Variants in ROBO2 observed in about 807,000 individuals in gnomAD.
ROBO2 encodes the protein roundabout guidance receptor 2.
ROBO2 carries 53 observed loss-of-function variants against 160.8 expected under a neutral mutation model. The observed-to-expected ratio is 0.33, with a 90% confidence interval of 0.26 to 0.41. The LOEUF (loss-of-function observed/expected upper bound fraction) is 0.41, where lower values mean the gene tolerates loss of function less well. Among genes scored for constraint, ROBO2 ranks in the 10% least tolerant of loss-of-function variants. The pLI is 1.00. For missense variants in ROBO2, 1,577 were observed against 1,722.4 expected, an observed-to-expected ratio of 0.92 and a Z score of 1.49; for synonymous variants, 664 against 611.7, an observed-to-expected ratio of 1.09 and a Z score of -1.26.
At chr3:76,063,308 T>C (rs2107902233) in intron 2 of ROBO2, among the ~76,000 whole-genome samples, 1 of 151,792 alleles carries the variant, frequency 6.6e-6, no homozygotes, top group East Asian at 1.9e-4. Flanking sequence ...AGCATAGGCG[T>C]TGCTCTAAGA....
intron 2 of ROBO2, among the ~76,000 whole-genome samples, chr3:76,267,000 C>T (rs1254261973): frequency 2.6e-5 from 4 of 152,052 alleles, no homozygotes; most frequent in African/African-American, 9.7e-5. Context: ...TTAATTGTTT[C>T]TGAAAATGGA....
Position 76,451,693 on chromosome 3 carries a change from A to C in ROBO2, c.109+514091A>C, listed in dbSNP as rs560293372. On this transcript the variant is annotated intron_variant, in intron 2 of 26. Transcript: ENST00000487694. ...ACCATTAAATTATTATAGTGCCATA[A>C]GCATTTGGGTTTCTAAATTGTTAGA... Among the ~76,000 whole-genome samples, 324 of 152,284 alleles carry C rather than the reference A, an allele frequency of 2.1e-3. 4 individuals are homozygous for C. The highest frequency in any genetic ancestry group is 3.2e-3 in the Non-Finnish European group (220 of 68,010).
chr3:77,424,951 C>T (rs1396627423), intron 2 of ROBO2, among the ~76,000 whole-genome samples: 1 of 152,028 alleles, frequency 6.6e-6, no homozygotes, highest in Non-Finnish European at 1.5e-5. Context: ...AAAGGCAACA[C>T]AAGTATCCCT....
chr3:77,386,830 T>C (rs903614221), intron 2 of ROBO2, among the ~76,000 whole-genome samples: 1 of 151,920 alleles, frequency 6.6e-6, no homozygotes, highest in East Asian at 1.9e-4. Flanking sequence ...CTCTAACTTC[T>C]GACCTCAGAT....
rs1575845941 is a variant in ROBO2, at chr3:76,671,117, CA to C, written c.110-426896del. ...AGGCATTACATGCTTAACTAACTGA[CA>C]TGTCTTCTCTAAATAGTCATGTAAA... On this transcript the variant is annotated intron_variant, in intron 2 of 26. Coordinates refer to the ROBO2 transcript ENST00000487694. Among the ~76,000 whole-genome samples, 9 of 152,188 alleles carry C rather than the reference CA, an allele frequency of 5.9e-5. No homozygotes were observed. In the East Asian group the frequency reaches 1.7e-3, roughly 29 times the overall value.
intron 2 of ROBO2, among the ~76,000 whole-genome samples, chr3:77,440,328 T>C (rs2079782511): frequency 1.3e-5 from 2 of 152,216 alleles, no homozygotes; most frequent in African/African-American, 2.4e-5. Context: ...ATCCTTGTTT[T>C]TAGTATTGAG....
At chr3:76,127,590 T>C (rs1462031990) in intron 2 of ROBO2, among the ~76,000 whole-genome samples, 2 of 124,902 alleles carry the variant, frequency 1.6e-5, no homozygotes, top group Non-Finnish European at 3.4e-5. Flanking sequence ...TCTATATGGT[T>C]TGAAAAAATA....
intron 2 of ROBO2, among the ~76,000 whole-genome samples, chr3:76,706,470 C>T (rs2107535375): frequency 6.6e-6 from 1 of 151,756 alleles, no homozygotes; most frequent in Non-Finnish European, 1.5e-5. Context: ...TTCTGCTCCC[C>T]CTGATCCCTC....
At chr3:77,572,259 A>G (rs777914307) in intron 13 of ROBO2, among the ~76,000 whole-genome samples, 3 of 152,060 alleles carry the variant, frequency 2.0e-5, no homozygotes, top group Non-Finnish European at 4.4e-5. Context: ...AGTTTATAAA[A>G]TGCAAACTTA....
intron 2 of ROBO2, among the ~76,000 whole-genome samples, chr3:76,200,207 A>G (rs1445008036): frequency 6.6e-6 from 1 of 152,124 alleles, no homozygotes; most frequent in African/African-American, 2.4e-5. Context: ...ATGCAATCTT[A>G]GGCTAAACAA....
Position 77,008,560 on chromosome 3 carries a change from C to G in ROBO2, c.110-89454C>G, listed in dbSNP as rs116707531. Reference sequence around the variant, plus strand: ...TCCTTTGTGGGTGGGGAATAGTAATCTTATTGCTTGAGGAACATTTAAGAA... The same window carrying G: ...TCCTTTGTGGGTGGGGAATAGTAATGTTATTGCTTGAGGAACATTTAAGAA... On this transcript the variant is annotated intron_variant, in intron 2 of 26. Coordinates refer to the ROBO2 transcript ENST00000487694. Among the ~76,000 whole-genome samples the G allele has an allele frequency of 2.2e-3, 329 of 152,168 alleles. 4 individuals are homozygous for G. The highest frequency in any genetic ancestry group is 7.3e-3 in the African/African-American group (304 of 41,532).
chr3:76,684,080 A>G (rs1157594666), intron 2 of ROBO2, among the ~76,000 whole-genome samples: 1 of 152,064 alleles, frequency 6.6e-6, no homozygotes, highest in Non-Finnish European at 1.5e-5. Flanking sequence ...TTAGGACATC[A>G]TTAGAAAGAG....
intron 2 of ROBO2, among the ~76,000 whole-genome samples, chr3:77,173,030 G>A (rs1021250562): frequency 3.3e-5 from 5 of 152,194 alleles, no homozygotes; most frequent in Admixed American, 2.0e-4. Flanking sequence ...TCTGAATGGA[G>A]TGGAGATGTC....
At chr3:76,997,926 T>A (rs997325318) in intron 2 of ROBO2, among the ~76,000 whole-genome samples, 1 of 152,100 alleles carries the variant, frequency 6.6e-6, no homozygotes, top group Admixed American at 6.6e-5. Context: ...TTTCCCATCA[T>A]CTAGGAAACT....
chr3:77,197,366 G>C (rs1210366951), intron 2 of ROBO2, among the ~76,000 whole-genome samples: 1 of 152,156 alleles, frequency 6.6e-6, no homozygotes, highest in Non-Finnish European at 1.5e-5. Context: ...ATTCAGTCTG[G>C]AGTTCATCTT....
chr3:77,061,482 G>A (rs1330779463), intron 1 of ROBO2, among the ~76,000 whole-genome samples: 1 of 152,104 alleles, frequency 6.6e-6, no homozygotes, highest in African/African-American at 2.4e-5. Flanking sequence ...AGGGTAGGCT[G>A]GGTTTCCTGG....
chr3:76,606,994 A>G (rs1235699769), intron 2 of ROBO2, among the ~76,000 whole-genome samples: 2 of 152,254 alleles, frequency 1.3e-5, no homozygotes, highest in Non-Finnish European at 2.9e-5. Flanking sequence ...TATGATTACA[A>G]GTAAACCAAT....
intron 2 of ROBO2, among the ~76,000 whole-genome samples, chr3:76,441,269 T>A (rs1174919358): frequency 6.6e-6 from 1 of 152,234 alleles, no homozygotes; most frequent in Admixed American, 6.5e-5. Flanking sequence ...CTAGAATGTC[T>A]GTGGTACTAT....
intron 2 of ROBO2, among the ~76,000 whole-genome samples, chr3:76,465,045 A>G (rs1353867736): frequency 6.6e-6 from 1 of 152,130 alleles, no homozygotes; most frequent in Non-Finnish European, 1.5e-5. Flanking sequence ...TTGGTAAACA[A>G]GTACATGAAT....
Sources: allele counts gnomAD v4.1 joint callset (sites outside exome capture counted in the v4.1 genomes callset), GRCh38; gene constraint gnomAD v4.1.1; transcripts MANE v1.5; gene names NCBI Gene and HGNC (gene_info 2026-07-23, HGNC 2026-07-21).